Variants in AKAP19 observed in about 807,000 individuals in gnomAD.
The protein encoded by AKAP19 is small A-kinase anchoring protein.
chr2:190,079,389 G>C, the AKAP19 span: 1 of 152,240 alleles, frequency 6.6e-6, no homozygotes, highest in Non-Finnish European at 1.5e-5. Flanking sequence ...AAACCCACAA[G>C]TATCATAAGT....
chr2:190,083,417 C>T, the AKAP19 span, among the ~76,000 whole-genome samples: 1 of 152,114 alleles, frequency 6.6e-6, no homozygotes, highest in Admixed American at 6.6e-5. Flanking sequence ...AAGGAAGAAG[C>T]TGAGGCACTA....
chr2:189,934,691 T>G, the AKAP19 span, among the ~76,000 whole-genome samples: 1 of 151,446 alleles, frequency 6.6e-6, no homozygotes, highest in African/African-American at 2.4e-5. Context: ...TTTTTAATTT[T>G]TTTCTATAAT....
the AKAP19 span, among the ~76,000 whole-genome samples, chr2:190,133,744 A>G: frequency 6.6e-6 from 1 of 152,256 alleles, no homozygotes; most frequent in African/African-American, 2.4e-5. Flanking sequence ...GCACAGAAAC[A>G]CAAAAACTAC....
the AKAP19 span, chr2:190,060,167 A>G: frequency 9.3e-6 from 15 of 1,612,982 alleles, no homozygotes; most frequent in Admixed American, 1.7e-5. Flanking sequence ...GTTTGAGCCA[A>G]TTTTGCAACA....
chr2:190,202,725 T>A, the AKAP19 span: 1 of 166,814 alleles, frequency 6.0e-6, no homozygotes, highest in Admixed American at 6.6e-5. Context: ...ACATCCAGAG[T>A]AAGGGCAAAT....
the AKAP19 span, chr2:190,056,076 T>TA: frequency 2.6e-5 from 4 of 152,428 alleles, no homozygotes; most frequent in Non-Finnish European, 5.9e-5. Flanking sequence ...GTTAATCATG[T>TA]AAAAAAATAT....
the AKAP19 span, among the ~76,000 whole-genome samples, chr2:189,961,001 T>A: frequency 6.6e-6 from 1 of 152,250 alleles, no homozygotes; most frequent in Non-Finnish European, 1.5e-5. Flanking sequence ...ATTTTAGAAG[T>A]TGGCACTAGG....
chr2:190,132,371 T>A, the AKAP19 span, among the ~76,000 whole-genome samples: 1 of 152,174 alleles, frequency 6.6e-6, no homozygotes, highest in South Asian at 2.1e-4. Flanking sequence ...GCTGGAGGCA[T>A]CACACTGTCT....
chr2:190,055,114 G>A, the AKAP19 span, among the ~76,000 whole-genome samples: 1 of 152,070 alleles, frequency 6.6e-6, no homozygotes, highest in Non-Finnish European at 1.5e-5. Flanking sequence ...TTAAGAAAAT[G>A]TGGCACATAT....
chr2:190,020,444 A>T, the AKAP19 span, among the ~76,000 whole-genome samples: 3 of 152,158 alleles, frequency 2.0e-5, no homozygotes, highest in Non-Finnish European at 4.4e-5. Context: ...TCTCATGAAC[A>T]ATTTCAGATA....
the AKAP19 span, chr2:190,200,413 C>CACTT: frequency 2.8e-6 from 1 of 356,670 alleles, no homozygotes; most frequent in African/African-American, 2.1e-5. Context: ...AATGTCACAG[C>CACTT]ACTTCTTCCT....
At chr2:190,096,659 AG>A in the AKAP19 span, among the ~76,000 whole-genome samples, 2 of 152,186 alleles carry the variant, frequency 1.3e-5, no homozygotes, top group Non-Finnish European at 2.9e-5. Flanking sequence ...GTGATGTTTT[AG>A]TCCATGTATG....
chr2:189,974,758 C>A, the AKAP19 span, among the ~76,000 whole-genome samples: 2 of 152,118 alleles, frequency 1.3e-5, no homozygotes, highest in African/African-American at 4.8e-5. Flanking sequence ...CTCTTTTGAT[C>A]TTTGTTGGTT....
the AKAP19 span, among the ~76,000 whole-genome samples, chr2:189,895,212 G>A: frequency 2.0e-5 from 3 of 152,064 alleles, no homozygotes; most frequent in Admixed American, 2.0e-4. Flanking sequence ...AAGAAAGGGA[G>A]TGAAAAGGAA....
At chr2:190,154,963 C>T in the AKAP19 span, among the ~76,000 whole-genome samples, 17 of 152,180 alleles carry the variant, frequency 1.1e-4, no homozygotes, top group Non-Finnish European at 2.1e-4. Context: ...ACACTCCCAC[C>T]GCTTTTCTAA....
the AKAP19 span, among the ~76,000 whole-genome samples, chr2:189,891,784 G>T: frequency 6.6e-6 from 1 of 152,086 alleles, no homozygotes; most frequent in Non-Finnish European, 1.5e-5. Flanking sequence ...GGCCTGTCTT[G>T]CTAGGTTGGG....
At chr2:189,989,431 T>C in the AKAP19 span, among the ~76,000 whole-genome samples, 3 of 151,448 alleles carry the variant, frequency 2.0e-5, no homozygotes, top group Non-Finnish European at 4.4e-5. Context: ...CACAGAAAGA[T>C]TAAAAATTAA....
At chr2:190,052,095 T>C in the AKAP19 span, among the ~76,000 whole-genome samples, 2 of 152,246 alleles carry the variant, frequency 1.3e-5, no homozygotes, top group African/African-American at 4.8e-5. Context: ...CGCCTCAGCC[T>C]CCCAATGTGC....
At chr2:190,115,274 TATATATATATATATATATA>T in the AKAP19 span, among the ~76,000 whole-genome samples, 1 of 3,878 alleles carries the variant, frequency 2.6e-4, no homozygotes, top group Non-Finnish European at 6.2e-4. Flanking sequence ...TATATATATA[TATATATATATATATATATA>T]TATATATATT....
Sources: allele counts gnomAD v4.1 joint callset (sites outside exome capture counted in the v4.1 genomes callset), GRCh38; gene constraint gnomAD v4.1.1; transcripts MANE v1.5; gene names NCBI Gene and HGNC (gene_info 2026-07-23, HGNC 2026-07-21).